Variants in CUL4A observed in about 807,000 individuals in gnomAD.
The protein encoded by CUL4A is cullin 4A, also known as cullin-4A.
In CUL4A, 16 loss-of-function variants were observed where a neutral mutation model predicts 95.5. That is an observed-to-expected ratio of 0.17 (90% CI 0.11 to 0.25). The LOEUF (loss-of-function observed/expected upper bound fraction) is 0.25. Ranked by LOEUF, CUL4A falls within the 10% of genes least tolerant of loss-of-function variation. The pLI, the probability that CUL4A is intolerant of heterozygous loss-of-function variation, is 1.00. For missense variants in CUL4A, 610 were observed against 937.0 expected, an observed-to-expected ratio of 0.65 and a Z score of 4.56; for synonymous variants, 380 against 353.1, an observed-to-expected ratio of 1.08 and a Z score of -0.85.
At chr13:113,233,096 T>C in intron 5 of CUL4A, 81 bp from the exon 6 acceptor site, 1 of 1,425,034 alleles carries the variant, frequency 7.0e-7, no homozygotes, top group Admixed American at 2.2e-5. Context: ...GGGATGATAT[T>C]GAATAGCATA....
chr13:113,209,561 GGGCGGGCGGAGCGGAGCTC>G, upstream of CUL4A: 9 of 908,494 alleles, frequency 9.9e-6, no homozygotes, highest in South Asian at 4.9e-5. Context: ...GCGCGGACCG[GGGCGGGCGGAGCGGAGCTC>G]GGCGGGCGGC....
chr13:113,247,947 C>G (rs113161968), intron 15 of CUL4A, among the ~76,000 whole-genome samples: 22 of 152,244 alleles, frequency 1.4e-4, no homozygotes, highest in African/African-American at 5.3e-4. Context: ...AGGCGGCCTT[C>G]GATGCTCCCT....
chr13:113,245,932 T>A, intron 14 of CUL4A, 24 bp from the exon 15 acceptor site: 1 of 1,501,758 alleles, frequency 6.7e-7, no homozygotes, highest in Non-Finnish European at 9.2e-7. Flanking sequence ...CTCAAAATGA[T>A]TGTCTTGGAT....
At chr13:113,226,236 T>C (rs1401965164) in intron 3 of CUL4A, among the ~76,000 whole-genome samples, 1 of 152,242 alleles carries the variant, frequency 6.6e-6, no homozygotes, top group Admixed American at 6.5e-5. Flanking sequence ...GTGAGGATGT[T>C]GTCACCACCT....
intron 2 of CUL4A, among the ~76,000 whole-genome samples, chr13:113,213,697 G>T (rs2040537754): frequency 6.6e-6 from 1 of 152,198 alleles, no homozygotes; most frequent in Non-Finnish European, 1.5e-5. Flanking sequence ...AACAATGTTT[G>T]TAGGTGCCTT....
chr13:113,253,294 C>A, intron 16 of CUL4A, 99 bp downstream of exon 16: 1 of 488,510 alleles, frequency 2.0e-6, no homozygotes, highest in Non-Finnish European at 3.5e-6. Context: ...GAGTGTTTCA[C>A]TTTAATTCAC....
chr13:113,227,894 CG>C (rs2041165106), intron 3 of CUL4A, 81 bp from the exon 4 acceptor site: 1 of 827,486 alleles, frequency 1.2e-6, no homozygotes, highest in Non-Finnish European at 1.9e-6. Context: ...GGCGACAGAG[CG>C]AGACTCCATC....
chr13:113,229,307 A>G, intron 4 of CUL4A, 139 bp from the exon 5 acceptor site: 2 of 681,544 alleles, frequency 2.9e-6, no homozygotes, highest in South Asian at 3.5e-5. Flanking sequence ...CTTTAGAAAA[A>G]AAAAATAAAA....
At chr13:113,221,759 G>A (rs960553665) in intron 3 of CUL4A, among the ~76,000 whole-genome samples, 1 of 152,026 alleles carries the variant, frequency 6.6e-6, no homozygotes, top group African/African-American at 2.4e-5. Flanking sequence ...TGTATTTTTA[G>A]TAGAGACGGG....
At position 113,219,134 on chromosome 13, in the gene CUL4A, A is replaced by G. The variant is rs924474466; in HGVS notation, c.368+86A>G. 6 of 708,760 alleles carry G rather than the reference A, an allele frequency of 8.5e-6. No homozygotes were observed. The African/African-American group carries it at 9.1e-5, about 11-fold the overall frequency. The allele number at this position is 708,760 out of a possible 1,614,324, so 43.9% of individuals were successfully genotyped here. A position where few individuals can be genotyped will look rare whatever the true frequency, so the allele number is the denominator to read the frequency against. ...TTATTATGATAAAGAGCTAATGAGTATCCTTAATATTAAAACAACAGCTTT... is the reference window on the plus strand; with the variant it reads ...TTATTATGATAAAGAGCTAATGAGTGTCCTTAATATTAAAACAACAGCTTT... On this transcript the variant is annotated intron_variant, in intron 3 of 19. Transcript: ENST00000375440.
chr13:113,223,838 TC>T (rs1236576776), intron 3 of CUL4A, among the ~76,000 whole-genome samples: 1 of 152,230 alleles, frequency 6.6e-6, no homozygotes, highest in Non-Finnish European at 1.5e-5. Flanking sequence ...GTTTACCACA[TC>T]CGTTTTCTTG....
chr13:113,247,333 A>T (rs554077469), intron 15 of CUL4A, among the ~76,000 whole-genome samples: 21 of 152,332 alleles, frequency 1.4e-4, no homozygotes, highest in African/African-American at 4.8e-4. Flanking sequence ...GTAGTAGAGT[A>T]GCGGGGAAAC....
At chr13:113,217,456 C>A (rs1451043630) in intron 2 of CUL4A, among the ~76,000 whole-genome samples, 2 of 152,106 alleles carry the variant, frequency 1.3e-5, no homozygotes, top group Non-Finnish European at 2.9e-5. Context: ...AATAAGCTTG[C>A]TAGAAAACAG....
chr13:113,236,749 C>A, intron 8 of CUL4A, 74 bp from the exon 9 acceptor site: 2 of 963,510 alleles, frequency 2.1e-6, no homozygotes, highest in South Asian at 2.9e-5. Context: ...TAGACAAATG[C>A]CCCCATCTTT....
chr13:113,243,171 ATTTG>A lies in CUL4A; in HGVS notation c.1228+15_1228+18del, dbSNP rs1566358207. The A allele has an allele frequency of 3.2e-6, 5 of 1,575,536 alleles. No individual in the cohort carries two copies. In the South Asian group the frequency reaches 4.6e-5, roughly 14 times the overall value. ...CTGCAGAACTGATCGGTAGAAAAAT[ATTTG>A]TTTTTTTTGTTTGTTTGTTTTTGAG... On this transcript the variant is annotated intron_variant, in intron 11 of 19. Transcript: ENST00000375440.
rs2040747415 is a variant in CUL4A, at chr13:113,217,731, C to T, written c.265-1214C>T. On this transcript the variant is annotated intron_variant, in intron 2 of 19. Transcript: ENST00000375440. ...ATTATTTATCTAAAGTGTTTTTATT[C>T]TGTATATCCCCACATTTTTCGAACC... Among the ~76,000 whole-genome samples the T allele has an allele frequency of 1.3e-5, 2 of 152,090 alleles. 1 individual carries two copies.
At chr13:113,242,762 GGCC>G (rs2041754056) in intron 10 of CUL4A, among the ~76,000 whole-genome samples, 1 of 152,164 alleles carries the variant, frequency 6.6e-6, no homozygotes, top group East Asian at 1.9e-4. Flanking sequence ...CTCCAGCCTC[GGCC>G]GCAGAGTGAG....
intron 9 of CUL4A, among the ~76,000 whole-genome samples, chr13:113,238,753 C>T (rs1714731247): frequency 1.3e-5 from 2 of 152,142 alleles, no homozygotes; most frequent in Non-Finnish European, 2.9e-5. Flanking sequence ...TAAACCTCCT[C>T]GTTTGTGTGA....
intron 2 of CUL4A, among the ~76,000 whole-genome samples, chr13:113,211,873 C>T (rs577001337): frequency 1.3e-5 from 2 of 152,278 alleles, no homozygotes; most frequent in Admixed American, 1.3e-4. Context: ...GCCCCTTTTG[C>T]GTCTCTCCCA....
Sources: gnomAD v4.1 joint callset for allele counts (sites outside exome capture counted in the v4.1 genomes callset) on GRCh38, gnomAD v4.1.1 for gene constraint, MANE v1.5 for transcripts, NCBI Gene and HGNC (gene_info 2026-07-23, HGNC 2026-07-21) for gene names.